The following GRIP1 variants were observed in gnomAD, a reference collection of about 807,000 sequenced individuals.
The protein encoded by GRIP1 is glutamate receptor interacting protein 1.
In GRIP1, 45 loss-of-function variants were observed where a neutral mutation model predicts 129.9. The ratio of observed to expected loss-of-function variants is 0.35; its 90% CI spans 0.27 to 0.44. The LOEUF is 0.44. Ranked by LOEUF, GRIP1 falls within the 20% of genes least tolerant of loss-of-function variation. GRIP1 has a pLI of 1.00. For missense variants in GRIP1, 1,196 were observed against 1,396.8 expected, an observed-to-expected ratio of 0.86 and a Z score of 2.29; for synonymous variants, 530 against 520.8, an observed-to-expected ratio of 1.02 and a Z score of -0.24.
chr12:66,673,052 A>T (rs543520471), intron 1 of GRIP1, among the ~76,000 whole-genome samples: 43 of 152,156 alleles, frequency 2.8e-4, no homozygotes, highest in African/African-American at 1.0e-3. Context: ...GTCTTGATTA[A>T]TTTCTCTTTA....
chr12:66,983,116 T>C (rs2042262770), intron 1 of GRIP1, among the ~76,000 whole-genome samples: 1 of 152,150 alleles, frequency 6.6e-6, no homozygotes, highest in African/African-American at 2.4e-5. Context: ...TATATGAACT[T>C]GGGTCCCTTA....
chr12:67,021,740 C>T (rs1036143554), intron 1 of GRIP1, among the ~76,000 whole-genome samples: 1 of 151,934 alleles, frequency 6.6e-6, no homozygotes, highest in Non-Finnish European at 1.5e-5. Flanking sequence ...GAATTTATTC[C>T]TCCCATTTAT....
intron 10 of GRIP1, 99 bp from the exon 11 acceptor site, chr12:66,455,663 C>T: frequency 9.1e-7 from 1 of 1,097,440 alleles, no homozygotes; most frequent in African/African-American, 1.5e-5. Context: ...ACACATGATG[C>T]ATAGCAATGG....
intron 20 of GRIP1, among the ~76,000 whole-genome samples, chr12:66,377,640 T>C (rs1214711832): frequency 1.8e-5 from 1 of 54,114 alleles, no homozygotes; most frequent in Non-Finnish European, 4.5e-5. Context: ...CACCCGGCCT[T>C]TTTTTTTTTT....
chr12:67,060,060 C>T (rs1342113868), intron 1 of GRIP1, among the ~76,000 whole-genome samples: 2 of 152,204 alleles, frequency 1.3e-5, no homozygotes, highest in African/African-American at 4.8e-5. Context: ...AACAGCTCTT[C>T]ATTACAAAGA....
At chr12:66,471,502 G>GAATTGTATCTTTAAAATGATT (rs2059437700) in intron 7 of GRIP1, among the ~76,000 whole-genome samples, 1 of 152,172 alleles carries the variant, frequency 6.6e-6, no homozygotes, top group Admixed American at 6.5e-5. Context: ...AAGTGCCACT[G>GAATTGTATCTTTAAAATGATT]AATTGTATCT....
intron 1 of GRIP1, among the ~76,000 whole-genome samples, chr12:66,930,445 T>G (rs1001385843): frequency 1.3e-5 from 2 of 151,260 alleles, no homozygotes; most frequent in African/African-American, 2.4e-5. Context: ...CTCATCATTT[T>G]TTATGGCTGC....
intron 7 of GRIP1, among the ~76,000 whole-genome samples, chr12:66,481,440 A>G (rs1320442772): frequency 6.6e-6 from 1 of 152,216 alleles, no homozygotes; most frequent in Non-Finnish European, 1.5e-5. Flanking sequence ...TTAAAAAGTT[A>G]GGAAACAACA....
At chr12:66,781,489 C>T (rs1450148312) in intron 1 of GRIP1, among the ~76,000 whole-genome samples, 1 of 152,092 alleles carries the variant, frequency 6.6e-6, no homozygotes. Context: ...AGATACAGTT[C>T]ATATACCAAA....
intron 1 of GRIP1, among the ~76,000 whole-genome samples, chr12:66,956,728 A>G (rs955010400): frequency 2.0e-5 from 3 of 152,080 alleles, no homozygotes; most frequent in African/African-American, 7.2e-5. Flanking sequence ...TTCTCCTTTT[A>G]CTAGGGAATG....
intron 14 of GRIP1, among the ~76,000 whole-genome samples, chr12:66,425,406 A>G (rs746501248): frequency 2.0e-4 from 30 of 152,182 alleles, no homozygotes; most frequent in Non-Finnish European, 3.4e-4. Context: ...ATTGTAGAAG[A>G]TAGTGTGGCA....
chr12:66,756,930 A>C (rs1023523635), intron 1 of GRIP1, among the ~76,000 whole-genome samples: 11 of 152,094 alleles, frequency 7.2e-5, no homozygotes, highest in African/African-American at 2.2e-4. Context: ...TCTAAACCCT[A>C]TGTGCCAGAA....
At chr12:66,855,567 A>G (rs1475629259) in intron 1 of GRIP1, among the ~76,000 whole-genome samples, 1 of 152,086 alleles carries the variant, frequency 6.6e-6, no homozygotes, top group Non-Finnish European at 1.5e-5. Context: ...GTGTATTTTC[A>G]AAGATCAAAG....
chr12:66,524,751 T>G (rs1031335183), intron 5 of GRIP1, among the ~76,000 whole-genome samples: 6 of 152,138 alleles, frequency 3.9e-5, no homozygotes, highest in African/African-American at 1.4e-4. Flanking sequence ...GCTGGTTTTT[T>G]GAAAAGATCA....
At chr12:67,040,623 A>T (rs886160741) in intron 1 of GRIP1, among the ~76,000 whole-genome samples, 2 of 152,140 alleles carry the variant, frequency 1.3e-5, no homozygotes, top group Non-Finnish European at 2.9e-5. Flanking sequence ...TTCCTGTGTG[A>T]CCTTGAGTGG....
chr12:67,057,591 G>A (rs1053596428), intron 1 of GRIP1, among the ~76,000 whole-genome samples: 3 of 152,062 alleles, frequency 2.0e-5, no homozygotes, highest in African/African-American at 4.8e-5. Context: ...ATTGAGTATA[G>A]AGCCAATGCT....
chr12:66,899,831 T>C (rs2040816228), intron 1 of GRIP1, among the ~76,000 whole-genome samples: 1 of 152,162 alleles, frequency 6.6e-6, no homozygotes, highest in South Asian at 2.1e-4. Flanking sequence ...AATCTCCATA[T>C]TCACAGGAGA....
chr12:66,908,949 T>C (rs1378213330), intron 1 of GRIP1, among the ~76,000 whole-genome samples: 1 of 152,164 alleles, frequency 6.6e-6, no homozygotes, highest in Non-Finnish European at 1.5e-5. Context: ...ACTCTATCTA[T>C]CCCTCAATGG....
intron 1 of GRIP1, among the ~76,000 whole-genome samples, chr12:66,875,903 A>G (rs2040374394): frequency 6.6e-6 from 1 of 152,092 alleles, no homozygotes; most frequent in Non-Finnish European, 1.5e-5. Flanking sequence ...CTGGGAATAC[A>G]GCCTCTGCAA....
Sources: allele counts gnomAD v4.1 joint callset (sites outside exome capture counted in the v4.1 genomes callset), GRCh38; gene constraint gnomAD v4.1.1; transcripts MANE v1.5; gene names NCBI Gene and HGNC (gene_info 2026-07-23, HGNC 2026-07-21).